Variants in NFYC observed in about 807,000 individuals in gnomAD.
NFYC encodes nuclear transcription factor Y subunit gamma.
NFYC carries 25 observed loss-of-function variants against 53.1 expected under a neutral mutation model. That is an observed-to-expected ratio of 0.47 (90% CI 0.34 to 0.66). The LOEUF (loss-of-function observed/expected upper bound fraction) is 0.66, where lower values mean the gene tolerates loss of function less well. Among genes scored for constraint, NFYC ranks in the 30% least tolerant of loss-of-function variants. NFYC has a pLI of 0.01. For missense variants in NFYC, 260 were observed against 422.7 expected (o/e 0.62, Z 3.38); for synonymous variants, 145 against 152.6 (o/e 0.95, Z 0.37).
Position 40,749,698 on chromosome 1 carries a change from G to A in NFYC, c.291+12G>A. On this transcript the variant is annotated intron_variant, in intron 4 of 9. Coordinates refer to ENST00000447388, the MANE Select transcript of NFYC (RefSeq NM_014223.5). ...GCCGGACTCTACAGGTATTATTGCA[G>A]ACTTAGATTAGGAAAACTGGGGTAA... is the stretch of plus-strand genomic sequence containing the variant. The A allele has an allele frequency of 6.2e-7, 1 of 1,609,192 alleles. No individual in the cohort carries two copies. Among genetic ancestry groups the A allele is most frequent in the Non-Finnish European group, 8.5e-7 (1 of 1,175,540 alleles).
At chr1:40,723,014 G>A (rs1209149158) in intron 1 of NFYC, among the ~76,000 whole-genome samples, 1 of 152,200 alleles carries the variant, frequency 6.6e-6, no homozygotes, top group East Asian at 1.9e-4. Context: ...ATTGTATTGT[G>A]ATCTTGAGCA....
intron 4 of NFYC, 75 bp downstream of exon 4, chr1:40,749,761 G>GAAAGATTGTTCTCCTTTAGGACC (rs199882682): frequency 3.3e-6 from 4 of 1,215,584 alleles, no homozygotes; most frequent in Non-Finnish European, 4.9e-6. Flanking sequence ...TGGTGTTGGA[G>GAAAGATTGTTCTCCTTTAGGACC]AAAGATTGTT....
Position 40,717,083 on chromosome 1 carries a change from A to T in NFYC, c.-8-21753A>T, listed in dbSNP as rs561541824. Among the ~76,000 whole-genome samples, 3 of 152,284 alleles carry T rather than the reference A, an allele frequency of 2.0e-5. No individual in the cohort carries two copies. In the South Asian group the frequency reaches 6.2e-4, roughly 32 times the overall value. ...TGAAGGACTGAAGCTTTGGAGAAATATCAAAATTGGTAATGTATATTTGGA... is the reference window on the plus strand; with the variant it reads ...TGAAGGACTGAAGCTTTGGAGAAATTTCAAAATTGGTAATGTATATTTGGA... On this transcript the variant is annotated intron_variant, in intron 1 of 9. Transcript: ENST00000447388.
chr1:40,729,929 G>C (rs1437793094), intron 1 of NFYC, among the ~76,000 whole-genome samples: 1 of 152,096 alleles, frequency 6.6e-6, no homozygotes, highest in Non-Finnish European at 1.5e-5. Context: ...ACCCGCCTCG[G>C]CCTCCCAAAG....
intron 1 of NFYC, among the ~76,000 whole-genome samples, chr1:40,736,215 T>C (rs1458093507): frequency 1.3e-5 from 2 of 152,190 alleles, no homozygotes; most frequent in East Asian, 3.8e-4. Flanking sequence ...CAGAATGAAA[T>C]CTGCTTTGAG....
rs758034580 is a variant in NFYC at position 40,747,522 on chromosome 1, T to C, written c.106-12T>C. The C allele has an allele frequency of 1.2e-6, 2 of 1,603,564 alleles. No individual in the cohort carries two copies. The highest frequency in any genetic ancestry group is 2.2e-5 in the South Asian group (2 of 90,754). ...TCCCCACCATTTATGCATCTCTTGT[T>C]GTTCATTTCAGAAAGACTTCCGAGT... On this transcript the variant is annotated splice_polypyrimidine_tract_variant and intron_variant, in intron 2 of 9. Coordinates refer to ENST00000447388, the MANE Select transcript of NFYC (RefSeq NM_014223.5).
At chr1:40,720,450 T>C (rs1432602274) in intron 1 of NFYC, among the ~76,000 whole-genome samples, 1 of 152,198 alleles carries the variant, frequency 6.6e-6, no homozygotes, top group East Asian at 1.9e-4. Flanking sequence ...ACCCCACTCT[T>C]GTGGCTCTTC....
Position 40,771,316 on chromosome 1 carries a change from T to C in NFYC, c.*488T>C. The C allele has an allele frequency of 2.6e-6, 1 of 389,962 alleles. No individual in the cohort carries two copies. The highest frequency in any genetic ancestry group is 8.0e-5 in the East Asian group (1 of 12,516). 24.2% of individuals were successfully genotyped at this position (389,962 alleles called of 1,614,324 possible). ...GAATTAGGTGAATGTGTGTAGCTGC[T>C]TTTTCACTCGTGGTCCTCTCCCCAT... On this transcript the variant is annotated 3_prime_UTR_variant, in exon 10 of 10. Transcript: ENST00000447388.
chr1:40,720,723 C>T (rs960013764), intron 1 of NFYC, among the ~76,000 whole-genome samples: 7 of 152,060 alleles, frequency 4.6e-5, no homozygotes, highest in African/African-American at 1.7e-4. Flanking sequence ...TAAAAATTAG[C>T]CAGGTATGGT....
chr1:40,708,685 G>A (rs938534870), intron 1 of NFYC, among the ~76,000 whole-genome samples: 4 of 152,188 alleles, frequency 2.6e-5, no homozygotes, highest in African/African-American at 4.8e-5. Flanking sequence ...CCTTTAAAGT[G>A]CCACTAACAT....
At chr1:40,706,409 G>A (rs1643694370) in intron 1 of NFYC, among the ~76,000 whole-genome samples, 1 of 152,084 alleles carries the variant, frequency 6.6e-6, no homozygotes, top group South Asian at 2.1e-4. Context: ...AAGTTAATAT[G>A]GCAGAGTGAT....
chr1:40,758,015 C>G, intron 5 of NFYC, 106 bp from the exon 6 acceptor site: 1 of 1,237,242 alleles, frequency 8.1e-7, no homozygotes, highest in Non-Finnish European at 1.2e-6. Context: ...GCTCAGCATT[C>G]AGCAGGCAAC....
At chr1:40,758,950 T>C (rs192713784) in intron 6 of NFYC, among the ~76,000 whole-genome samples, 3 of 152,212 alleles carry the variant, frequency 2.0e-5, no homozygotes, top group Admixed American at 2.0e-4. Context: ...GTGCTATGTA[T>C]TGGGGATACA....
intron 1 of NFYC, among the ~76,000 whole-genome samples, chr1:40,719,028 C>A (rs534625146): frequency 6.6e-6 from 1 of 152,112 alleles, no homozygotes; most frequent in Non-Finnish European, 1.5e-5. Flanking sequence ...TGCGCCACCA[C>A]GCCCAGCTAA....
At chr1:40,729,282 T>A (rs1212399296) in intron 1 of NFYC, among the ~76,000 whole-genome samples, 1 of 152,244 alleles carries the variant, frequency 6.6e-6, no homozygotes. Context: ...GTTGCATCAA[T>A]TACTCTAGCT....
intron 2 of NFYC, among the ~76,000 whole-genome samples, chr1:40,741,144 A>G (rs1482007268): frequency 2.0e-5 from 3 of 152,178 alleles, no homozygotes; most frequent in Non-Finnish European, 2.9e-5. Flanking sequence ...AAGTGGGATC[A>G]TATCGTACAG....
At chr1:40,705,848 T>G (rs1643668956) in intron 1 of NFYC, among the ~76,000 whole-genome samples, 1 of 152,120 alleles carries the variant, frequency 6.6e-6, no homozygotes, top group Non-Finnish European at 1.5e-5. Context: ...CTGGGTCAAG[T>G]GATCCTCTGG....
intron 1 of NFYC, among the ~76,000 whole-genome samples, chr1:40,715,421 T>TC (rs1475431155): frequency 6.6e-6 from 1 of 151,600 alleles, no homozygotes; most frequent in African/African-American, 2.4e-5. Flanking sequence ...TTTTTTTTTT[T>TC]CCTGTAGAAA....
At chr1:40,717,158 A>C (rs939846756) in intron 1 of NFYC, among the ~76,000 whole-genome samples, 1 of 151,826 alleles carries the variant, frequency 6.6e-6, no homozygotes, top group Non-Finnish European at 1.5e-5. Context: ...AACAGGAGAG[A>C]ATCAAGAAAG....
Sources: gnomAD v4.1 joint callset for allele counts (sites outside exome capture counted in the v4.1 genomes callset) on GRCh38, gnomAD v4.1.1 for gene constraint, MANE v1.5 for transcripts, NCBI Gene and HGNC (gene_info 2026-07-23, HGNC 2026-07-21) for gene names.